Variants in NOP9 observed in about 807,000 individuals in gnomAD.
NOP9 encodes NOP9 nucleolar protein, also known as nucleolar protein 9.
Under a neutral mutation model 63.0 loss-of-function variants are expected in NOP9, and 50 were observed. The ratio of observed to expected loss-of-function variants is 0.79; its 90% CI spans 0.63 to 1.00. The LOEUF (loss-of-function observed/expected upper bound fraction) is 1.00, where lower values mean the gene tolerates loss of function less well. NOP9 is among the 50% of genes least tolerant of loss of function. The probability of loss-of-function intolerance (pLI) is 0.00; values close to 1 mark genes in which losing one functional copy is unlikely to be tolerated. For synonymous variants in NOP9, 343 were observed against 332.8 expected (o/e 1.03, Z -0.33); for missense variants, 758 against 803.0 (o/e 0.94, Z 0.68).
At position 24,305,918 on chromosome 14, in the gene NOP9, T is replaced by G; in HGVS notation, c.*823T>G. The G allele has an allele frequency of 6.2e-7, 1 of 1,604,010 alleles. No individual in the cohort carries two copies. Among genetic ancestry groups the G allele is most frequent in the Non-Finnish European group, 8.5e-7 (1 of 1,173,950 alleles). On this transcript the variant is annotated 3_prime_UTR_variant, in exon 10 of 10. Coordinates refer to ENST00000267425, the MANE Select transcript of NOP9 (RefSeq NM_174913.3). ...ATGGGGACTATCCAACTGTAGGGGA[T>G]GGGGCAGTATGACATGTTGATTTCT...
chr14:24,308,091 G>A lies in NOP9; in HGVS notation c.*2996G>A. On this transcript the variant is annotated 3_prime_UTR_variant, in exon 10 of 10. Transcript: ENST00000267425. ...CTGGAGGAAGAATTGCCTGGCAAAAGCCATTGGAGCTTGTATGTGTGTCTT... is the reference window on the plus strand; with the variant it reads ...CTGGAGGAAGAATTGCCTGGCAAAAACCATTGGAGCTTGTATGTGTGTCTT... 1 of 578,530 alleles carries A rather than the reference G, an allele frequency of 1.7e-6. No individual in the cohort carries two copies. 35.8% of individuals were successfully genotyped at this position (578,530 alleles called of 1,614,324 possible).
chr14:24,292,618 T>C, the NOP9 span: 1 of 1,614,210 alleles, frequency 6.2e-7, no homozygotes, highest in East Asian at 2.2e-5. Flanking sequence ...CACTGTCTTT[T>C]ACCTCCTCAG....
At chr14:24,303,029 C>G (rs567386929) in intron 5 of NOP9, 45 bp from the exon 6 acceptor site, 1 of 1,487,696 alleles carries the variant, frequency 6.7e-7, no homozygotes, top group African/African-American at 1.4e-5. Flanking sequence ...TAATGTGGTC[C>G]GCCATTACCA....
intron 6 of NOP9, 39 bp from the exon 7 acceptor site, chr14:24,303,693 G>A (rs1746331731): frequency 6.2e-7 from 1 of 1,600,076 alleles, no homozygotes; most frequent in East Asian, 2.2e-5. Context: ...AAGGGACGGA[G>A]AAGTTCTCAG....
At chr14:24,290,861 A>T in the NOP9 span, 1 of 1,613,854 alleles carries the variant, frequency 6.2e-7, no homozygotes, top group Non-Finnish European at 8.5e-7. Context: ...CAGGAGGGTT[A>T]GAACTTGCTA....
At chr14:24,280,752 T>C in the NOP9 span, among the ~76,000 whole-genome samples, 1 of 152,132 alleles carries the variant, frequency 6.6e-6, no homozygotes, top group African/African-American at 2.4e-5. Flanking sequence ...TAAGTGCCCC[T>C]GAGGGAAATG....
the NOP9 span, chr14:24,292,680 T>C: frequency 8.7e-6 from 14 of 1,614,210 alleles, no homozygotes; most frequent in Non-Finnish European, 1.2e-5. Flanking sequence ...ATAGGGGACA[T>C]TGAACATATA....
the NOP9 span, among the ~76,000 whole-genome samples, chr14:24,282,442 A>T: frequency 1.3e-4 from 20 of 152,158 alleles, no homozygotes; most frequent in Non-Finnish European, 1.5e-5. Context: ...GTGCCCAATA[A>T]ACCTGAATTC....
the NOP9 span, chr14:24,292,333 G>A: frequency 1.2e-6 from 2 of 1,613,912 alleles, no homozygotes; most frequent in South Asian, 2.2e-5. Flanking sequence ...TTGTCACACT[G>A]TGGAGAGGCG....
Position 24,307,585 on chromosome 14 carries a change from G to A in NOP9, c.*2490G>A. 1.0e-5 allele frequency: 16 copies of A among 1,545,882 alleles called. No homozygotes were observed. The South Asian group carries it at 1.9e-4, about 18-fold the overall frequency. ...GGTGAGTGTAAAGGGCATGATGAGG[G>A]TAGAGTGGCTAGAGGGCTAGGGAGG... On this transcript the variant is annotated 3_prime_UTR_variant, in exon 10 of 10. Transcript: ENST00000267425.
chr14:24,282,104 C>T, the NOP9 span, among the ~76,000 whole-genome samples: 1 of 152,120 alleles, frequency 6.6e-6, no homozygotes, highest in Non-Finnish European at 1.5e-5. Flanking sequence ...AGGAGAATTG[C>T]TGAACCCAGG....
the NOP9 span, among the ~76,000 whole-genome samples, chr14:24,274,612 CTTTT>C: frequency 1.4e-5 from 2 of 141,204 alleles, no homozygotes; most frequent in African/African-American, 2.6e-5. Context: ...GAGCCACAAT[CTTTT>C]TTTTTTTTTT....
At chr14:24,290,185 T>C in the NOP9 span, among the ~76,000 whole-genome samples, 2 of 152,204 alleles carry the variant, frequency 1.3e-5, no homozygotes, top group Non-Finnish European at 2.9e-5. Flanking sequence ...AGAGGAAGGA[T>C]GAGAGTTGTC....
chr14:24,291,286 A>G, the NOP9 span: 2 of 1,519,530 alleles, frequency 1.3e-6, no homozygotes, highest in Non-Finnish European at 1.8e-6. Context: ...GTTTGGGCCC[A>G]GTTGGACAGG....
Position 24,305,129 on chromosome 14 carries a change from A to C in NOP9, c.*34A>C. The stretch of plus-strand genomic sequence containing the variant: ...ATCTGGGACTGGGTGTTGATGGGGG[A>C]GGGCAAAATGGGGTATCCACCCCAT... On this transcript the variant is annotated 3_prime_UTR_variant, in exon 10 of 10. Coordinates refer to ENST00000267425, the MANE Select transcript of NOP9 (RefSeq NM_174913.3). 1 of 1,423,248 alleles carries C rather than the reference A, an allele frequency of 7.0e-7. No individual in the cohort carries two copies. The highest frequency in any genetic ancestry group is 1.5e-5 in the South Asian group (1 of 66,374). The allele number at this position is 1,423,248 out of a possible 1,614,324, so 88.2% of individuals were successfully genotyped here. A position where few individuals can be genotyped will look rare whatever the true frequency, so the allele number is the denominator to read the frequency against.
Position 24,307,412 on chromosome 14 carries a change from TC to T in NOP9, c.*2319del. The T allele has an allele frequency of 1.2e-6, 2 of 1,614,016 alleles. No individual in the cohort carries two copies. Among genetic ancestry groups the T allele is most frequent in the Non-Finnish European group, 1.7e-6 (2 of 1,179,950 alleles). On this transcript the variant is annotated 3_prime_UTR_variant, in exon 10 of 10. Coordinates refer to ENST00000267425, the MANE Select transcript of NOP9 (RefSeq NM_174913.3). ...TGGCGGGTGGCAGCTGTCAGGCCTT[TC>T]CGGATGGTCCGCTTGTGATCACAGA...
At chr14:24,296,741 G>C, upstream of NOP9, 1 of 1,614,194 alleles carries the variant, frequency 6.2e-7, no homozygotes, top group Non-Finnish European at 8.5e-7. Context: ...AGGGTACCTG[G>C]ACCCCTGCAT....
At chr14:24,286,413 A>G in the NOP9 span, among the ~76,000 whole-genome samples, 2 of 151,718 alleles carry the variant, frequency 1.3e-5, no homozygotes, top group African/African-American at 4.9e-5. Flanking sequence ...TCCTCCCCAT[A>G]CCTCAGCCCC....
Position 24,306,391 on chromosome 14 carries a change from T to C in NOP9, c.*1296T>C. The stretch of plus-strand genomic sequence containing the variant: ...CCTCTTACCCTTGTAGGGCTCCAGC[T>C]CTGACCAGACTGCAACACCATCAGG... On this transcript the variant is annotated 3_prime_UTR_variant, in exon 10 of 10. Transcript: ENST00000267425. 1 of 1,614,194 alleles carries C rather than the reference T, an allele frequency of 6.2e-7. No homozygotes were observed. The highest frequency in any genetic ancestry group is 8.5e-7 in the Non-Finnish European group (1 of 1,180,026).
Sources: gnomAD v4.1 joint callset for allele counts (sites outside exome capture counted in the v4.1 genomes callset) on GRCh38, gnomAD v4.1.1 for gene constraint, MANE v1.5 for transcripts, NCBI Gene and HGNC (gene_info 2026-07-23, HGNC 2026-07-21) for gene names.